Variants in SLC5A11 observed in about 807,000 individuals in gnomAD.
SLC5A11 encodes the protein sodium/myo-inositol cotransporter 2.
A neutral mutation model predicts 69.8 loss-of-function variants in SLC5A11; 48 were observed. The observed-to-expected ratio is 0.69, with a 90% CI of 0.55 to 0.87. The LOEUF (loss-of-function observed/expected upper bound fraction) is 0.87, where lower values mean the gene tolerates loss of function less well. SLC5A11 is among the 40% of genes least tolerant of loss of function. The probability of loss-of-function intolerance (pLI) is 0.00; values close to 1 mark genes in which losing one functional copy is unlikely to be tolerated. For synonymous variants in SLC5A11, 319 were observed against 342.4 expected, an observed-to-expected ratio of 0.93 and a Z score of 0.75; for missense variants, 784 against 866.1, an observed-to-expected ratio of 0.91 and a Z score of 1.19.
At chr16:24,869,331 C>T (rs868783972) in intron 3 of SLC5A11, among the ~76,000 whole-genome samples, 3 of 152,240 alleles carry the variant, frequency 2.0e-5, no homozygotes, top group South Asian at 4.2e-4. Flanking sequence ...ACGGTGTCCC[C>T]GTTCCAAATT....
chr16:24,896,505 A>G (rs2049175802), intron 9 of SLC5A11, among the ~76,000 whole-genome samples: 1 of 152,142 alleles, frequency 6.6e-6, no homozygotes, highest in Non-Finnish European at 1.5e-5. Flanking sequence ...TTAAAAAAAA[A>G]AGGCATTTTA....
intron 9 of SLC5A11, among the ~76,000 whole-genome samples, chr16:24,893,965 T>G (rs560406725): frequency 4.5e-4 from 68 of 152,354 alleles, no homozygotes; most frequent in Non-Finnish European, 6.6e-4. Context: ...CTGTTGGAAC[T>G]TCTTTCTCTG....
chr16:24,896,858 T>C (rs1350927995), intron 9 of SLC5A11, among the ~76,000 whole-genome samples: 1 of 148,880 alleles, frequency 6.7e-6, no homozygotes, highest in Non-Finnish European at 1.5e-5. Flanking sequence ...TCCCATATCA[T>C]GGCAGAGATG....
chr16:24,861,000 C>T (rs1245800710), intron 2 of SLC5A11, among the ~76,000 whole-genome samples: 1 of 152,078 alleles, frequency 6.6e-6, no homozygotes, highest in Non-Finnish European at 1.5e-5. Context: ...AGCCACCGCA[C>T]CCAGCCAGTA....
At chr16:24,908,055 C>G (rs558297368) in exon 13 of SLC5A11, 24 of 1,612,632 alleles carry the variant, frequency 1.5e-5, no homozygotes, top group Non-Finnish European at 2.0e-5. Context: ...TATATCCAGT[C>G]CATCAGCTCC....
At chr16:24,906,483 A>G (rs2050068828) in intron 10 of SLC5A11, among the ~76,000 whole-genome samples, 174 bp from the exon 12 acceptor site, 1 of 151,984 alleles carries the variant, frequency 6.6e-6, no homozygotes, top group African/African-American at 2.4e-5. Context: ...CAAATAGGGC[A>G]ACTCGTCTCA....
At chr16:24,886,054 A>G (rs1274617004) in intron 8 of SLC5A11, among the ~76,000 whole-genome samples, 3 of 130,912 alleles carry the variant, frequency 2.3e-5, no homozygotes, top group Non-Finnish European at 4.9e-5. Flanking sequence ...TTTTTTTTTG[A>G]GATGAAGTCT....
intron 9 of SLC5A11, among the ~76,000 whole-genome samples, chr16:24,892,822 CT>C (rs2048902419): frequency 6.6e-6 from 1 of 152,106 alleles, no homozygotes. Flanking sequence ...GCCAGCCCTC[CT>C]TTGAGCGGAG....
intron 8 of SLC5A11, among the ~76,000 whole-genome samples, chr16:24,885,024 GA>G (rs2152344738): frequency 6.6e-6 from 1 of 152,290 alleles, no homozygotes; most frequent in African/African-American, 2.4e-5. Flanking sequence ...TTACAAGCGT[GA>G]GCCACTGCAT....
chr16:24,866,559 A>C (rs140970058), intron 3 of SLC5A11, among the ~76,000 whole-genome samples: 1 of 151,184 alleles, frequency 6.6e-6, no homozygotes, highest in African/African-American at 2.4e-5. Context: ...AGCCTGGGCA[A>C]CAGTGAGATC....
chr16:24,871,735 T>C (rs760088445), intron 4 of SLC5A11, among the ~76,000 whole-genome samples: 3 of 152,204 alleles, frequency 2.0e-5, no homozygotes, highest in Non-Finnish European at 4.4e-5. Context: ...CCTGATTTCC[T>C]TGCAACCACT....
At chr16:24,861,651 G>A (rs1378431768) in intron 2 of SLC5A11, among the ~76,000 whole-genome samples, 1 of 126,678 alleles carries the variant, frequency 7.9e-6, no homozygotes, top group African/African-American at 3.0e-5. Context: ...GGGACAAGAA[G>A]AAGAAAGAAA....
rs796621041 is a variant in SLC5A11, at chr16:24,904,951, C to G, written c.1007-1706C>G. Among the ~76,000 whole-genome samples the G allele has an allele frequency of 1.6e-4, 25 of 152,054 alleles. No individual in the cohort carries two copies. In the South Asian group the frequency reaches 2.1e-3, roughly 13 times the overall value. ...CTCTCCCTCCCCTTGCCCTCCACCC[C>G]CCGACAGGCCCCAGTGTGTGATGTT... On this transcript the variant is annotated intron_variant, in intron 10 of 15. Transcript: ENST00000347898.
At chr16:24,883,298 T>C (rs1259526347) in intron 7 of SLC5A11, among the ~76,000 whole-genome samples, 1 of 152,076 alleles carries the variant, frequency 6.6e-6, no homozygotes, top group South Asian at 2.1e-4. Flanking sequence ...CCAGGAAGTC[T>C]AGGCTGCAGT....
intron 5 of SLC5A11, 21 bp downstream of exon 6, chr16:24,872,240 A>T (rs914130617): frequency 1.9e-6 from 3 of 1,613,672 alleles, no homozygotes; most frequent in Non-Finnish European, 2.5e-6. Context: ...GGACATTGGG[A>T]TGCTGTAGAA....
chr16:24,886,703 A>G (rs1259237121), intron 8 of SLC5A11, among the ~76,000 whole-genome samples: 1 of 152,182 alleles, frequency 6.6e-6, no homozygotes, highest in Admixed American at 6.6e-5. Context: ...AATACTAAAG[A>G]ATACAGACAG....
At chr16:24,848,663 T>C (rs2059132297) in intron 1 of SLC5A11, among the ~76,000 whole-genome samples, 1 of 152,108 alleles carries the variant, frequency 6.6e-6, no homozygotes, top group Non-Finnish European at 1.5e-5. Context: ...TCCCACCTAC[T>C]TGGGAGACGG....
At chr16:24,910,257 C>G (rs1230865983) in intron 14 of SLC5A11, 49 bp from the exon 16 acceptor site, 2 of 1,594,502 alleles carry the variant, frequency 1.3e-6, no homozygotes, top group Admixed American at 3.4e-5. Flanking sequence ...GATGGACAAC[C>G]CCGGCCCCAC....
intron 8 of SLC5A11, among the ~76,000 whole-genome samples, chr16:24,884,539 TAG>T (rs1394709110): frequency 1.5e-5 from 2 of 134,318 alleles, no homozygotes; most frequent in East Asian, 4.5e-4. Context: ...TTTGTAGAGA[TAG>T]AGTCTCACTA....
Sources: gnomAD v4.1 joint callset for allele counts (sites outside exome capture counted in the v4.1 genomes callset) on GRCh38, gnomAD v4.1.1 for gene constraint, MANE v1.5 for transcripts, NCBI Gene and HGNC (gene_info 2026-07-23, HGNC 2026-07-21) for gene names.